Variants in TXNDC16 observed in about 807,000 individuals in gnomAD.
The protein encoded by TXNDC16 is thioredoxin domain containing 16.
A neutral mutation model predicts 85.6 loss-of-function variants in TXNDC16; 74 were observed. The ratio of observed to expected loss-of-function variants is 0.86; its 90% CI spans 0.72 to 1.05. The LOEUF is 1.05. Ranked by LOEUF, TXNDC16 falls within the 50% of genes least tolerant of loss-of-function variation. The probability of loss-of-function intolerance (pLI) is 0.00; values close to 1 mark genes in which losing one functional copy is unlikely to be tolerated. For synonymous variants in TXNDC16, 335 were observed against 326.5 expected (o/e 1.03, Z -0.28); for missense variants, 959 against 947.0 (o/e 1.01, Z -0.17).
At chr14:52,434,377 A>C (rs1462014732) in intron 20 of TXNDC16, among the ~76,000 whole-genome samples, 1 of 152,258 alleles carries the variant, frequency 6.6e-6, no homozygotes, top group Non-Finnish European at 1.5e-5. Context: ...AACTGCAAAT[A>C]AAACTGTAAT....
chr14:52,511,144 C>A, intron 9 of TXNDC16, 96 bp downstream of exon 9: 2 of 1,155,370 alleles, frequency 1.7e-6, no homozygotes, highest in South Asian at 3.0e-5. Context: ...ATCTATAAAT[C>A]AAAACTTAAC....
At chr14:52,551,832 G>A (rs966345192) in intron 1 of TXNDC16, among the ~76,000 whole-genome samples, 1 of 152,092 alleles carries the variant, frequency 6.6e-6, no homozygotes, top group East Asian at 1.9e-4. Context: ...AATTTAAACA[G>A]TACAGAATAT....
At chr14:52,438,963 C>G (rs1371578184) in intron 20 of TXNDC16, among the ~76,000 whole-genome samples, 1 of 152,110 alleles carries the variant, frequency 6.6e-6, no homozygotes, top group African/African-American at 2.4e-5. Context: ...TTTGAATACA[C>G]TGGTGATCTA....
At chr14:52,507,924 T>C (rs1211855492) in intron 9 of TXNDC16, among the ~76,000 whole-genome samples, 1 of 152,126 alleles carries the variant, frequency 6.6e-6, no homozygotes, top group Non-Finnish European at 1.5e-5. Flanking sequence ...TCAAGATGGA[T>C]TAAAGACTTA....
At chr14:52,497,722 T>C (rs920612904) in intron 9 of TXNDC16, among the ~76,000 whole-genome samples, 1 of 151,504 alleles carries the variant, frequency 6.6e-6, no homozygotes, top group Non-Finnish European at 1.5e-5. Context: ...TCTACTAAAA[T>C]ACAAAAAATT....
At chr14:52,536,669 C>A (rs1171490748) in intron 6 of TXNDC16, 50 bp downstream of exon 6, 1 of 1,419,546 alleles carries the variant, frequency 7.0e-7, no homozygotes, top group Non-Finnish European at 9.7e-7. Flanking sequence ...AAAATGAAAT[C>A]AACAGATAAG....
intron 8 of TXNDC16, 41 bp downstream of exon 8, chr14:52,514,839 A>G (rs1321273306): frequency 6.7e-7 from 1 of 1,503,578 alleles, no homozygotes; most frequent in East Asian, 2.3e-5. Context: ...AAGAAGAAAA[A>G]AAAAACCTTT....
chr14:52,536,220 C>T (rs2037697059), intron 6 of TXNDC16, among the ~76,000 whole-genome samples: 1 of 151,472 alleles, frequency 6.6e-6, no homozygotes, highest in African/African-American at 2.4e-5. Flanking sequence ...CTCCTTTATC[C>T]CTTTCATCAT....
chr14:52,437,830 CA>C (rs1300041118), intron 20 of TXNDC16, among the ~76,000 whole-genome samples: 1 of 152,176 alleles, frequency 6.6e-6, no homozygotes, highest in Non-Finnish European at 1.5e-5. Flanking sequence ...TTTCTCTGAT[CA>C]TCAGAGAAAA....
At chr14:52,513,854 C>T (rs1014633377) in intron 8 of TXNDC16, among the ~76,000 whole-genome samples, 4 of 151,956 alleles carry the variant, frequency 2.6e-5, no homozygotes, top group Admixed American at 2.6e-4. Context: ...TGAGAGAATA[C>T]AAACAACTAA....
At position 52,470,090 on chromosome 14, in the gene TXNDC16, A is replaced by T; in HGVS notation, c.1565T>A (p.Ile522Asn). The T allele has an allele frequency of 6.2e-7, 1 of 1,611,530 alleles. No individual in the cohort carries two copies. The highest frequency in any genetic ancestry group is 8.5e-7 in the Non-Finnish European group (1 of 1,178,678). Residue 522 changes from isoleucine to asparagine, a missense_variant, in exon 16 of 21, where the codon ATC (isoleucine) becomes AAC (asparagine). Ile to Asn is a moderately radical substitution (Grantham distance 149, BLOSUM62 -3). Transcript: ENST00000281741. ...YLSGELYKDL[I>N]LYSSVSVLGL... ...CAATACTGACACACTAGAATACAAG[A>T]TGAGGTCTTTATATAATTCCCCACT...
chr14:52,520,542 G>T (rs958536183), intron 6 of TXNDC16, among the ~76,000 whole-genome samples: 3 of 152,096 alleles, frequency 2.0e-5, no homozygotes, highest in African/African-American at 7.2e-5. Flanking sequence ...CCCGGGAGGA[G>T]GAGTTTGCAG....
chr14:52,459,225 G>GT (rs1187885041), intron 16 of TXNDC16, among the ~76,000 whole-genome samples: 1 of 151,920 alleles, frequency 6.6e-6, no homozygotes, highest in African/African-American at 2.4e-5. Flanking sequence ...ACATACATCT[G>GT]TTTTTTAGCT....
In TXNDC16 at chr14:52,537,647, G is replaced by T; in HGVS notation, c.269C>A (p.Ser90Ter). ...AKVNCVKEEI[S>*]RYCGKEKDLM... ...ATCCTTTTCTTTTCCACAGTATCTT[G>T]ATATTTCTTCTTTGACACAATTAAC... The change falls in exon 5 of 21, where the codon TCA becomes TAA. Residue 90 changes from serine to a stop codon, truncating the protein, a stop_gained. Transcript: ENST00000281741. LOFTEE classifies it high-confidence loss of function. The T allele has an allele frequency of 6.3e-7, 1 of 1,589,838 alleles. No homozygotes were observed.
intron 14 of TXNDC16, among the ~76,000 whole-genome samples, chr14:52,475,301 C>G (rs1476136908): frequency 6.6e-6 from 1 of 152,088 alleles, no homozygotes; most frequent in Non-Finnish European, 1.5e-5. Flanking sequence ...CAATTTGAAC[C>G]AATCGAAGAG....
At chr14:52,465,190 TCAGA>T (rs1220717400) in intron 16 of TXNDC16, among the ~76,000 whole-genome samples, 1 of 152,160 alleles carries the variant, frequency 6.6e-6, no homozygotes, top group Admixed American at 6.5e-5. Flanking sequence ...GGTCCTCTTC[TCAGA>T]CAAATATTCT....
At chr14:52,548,596 A>G (rs934681525) in intron 1 of TXNDC16, among the ~76,000 whole-genome samples, 1 of 152,016 alleles carries the variant, frequency 6.6e-6, no homozygotes, top group African/African-American at 2.4e-5. Context: ...CTCCAACACT[A>G]TTAGGCCAGG....
intron 1 of TXNDC16, among the ~76,000 whole-genome samples, chr14:52,547,814 T>C (rs1039761904): frequency 1.3e-5 from 2 of 152,252 alleles, no homozygotes; most frequent in African/African-American, 4.8e-5. Context: ...ATAGTGAAGA[T>C]GGTAATTTTG....
chr14:52,469,808 G>A (rs1403820093), intron 16 of TXNDC16, among the ~76,000 whole-genome samples: 1 of 152,058 alleles, frequency 6.6e-6, no homozygotes, highest in Admixed American at 6.6e-5. Context: ...GCCCAATTAT[G>A]TTAAAACATA....
Sources: gnomAD v4.1 joint callset for allele counts (sites outside exome capture counted in the v4.1 genomes callset) on GRCh38, gnomAD v4.1.1 for gene constraint, MANE v1.5 for transcripts, NCBI Gene and HGNC (gene_info 2026-07-23, HGNC 2026-07-21) for gene names.